Variants in TMEM266 observed in about 807,000 individuals in gnomAD.
TMEM266 encodes Hv1 related protein 1.
A neutral mutation model predicts 50.5 loss-of-function variants in TMEM266; 33 were observed. That is an observed-to-expected ratio of 0.65 (90% CI 0.50 to 0.87). TMEM266 has a LOEUF of 0.87. Ranked by LOEUF, TMEM266 falls within the 40% of genes least tolerant of loss-of-function variation. The pLI is 0.00. For missense variants in TMEM266, 655 were observed against 695.1 expected (o/e 0.94, Z 0.65); for synonymous variants, 310 against 292.3 (o/e 1.06, Z -0.62).
In TMEM266 at chr15:76,160,272, C is replaced by T. The variant is rs2037997915; in HGVS notation, c.456+104C>T. The T allele has an allele frequency of 8.5e-7, 1 of 1,180,436 alleles. No individual in the cohort carries two copies. The allele number at this position is 1,180,436 out of a possible 1,614,324, so 73.1% of individuals were successfully genotyped here. A position where few individuals can be genotyped will look rare whatever the true frequency, so the allele number is the denominator to read the frequency against. On this transcript the variant is annotated intron_variant, in intron 5 of 10. Coordinates refer to ENST00000388942, the MANE Select transcript of TMEM266 (RefSeq NM_152335.3). This position sits in a 1 kb window ranked among gnomAD's most constrained non-coding sequence, Gnocchi z 5.7. ...ATGGTTTCTAGCATCAGGTCCCCTG[C>T]TAGCCCTTGAGGCTGCTGGGAGGGA... is the stretch of plus-strand genomic sequence containing the variant.
chr15:76,090,491 C>CAAAAA (rs34778511), intron 1 of TMEM266, among the ~76,000 whole-genome samples: 1 of 74,364 alleles, frequency 1.3e-5, no homozygotes, highest in Non-Finnish European at 2.7e-5. Context: ...GACTCTGTCT[C>CAAAAA]AAAAAAAAAA....
chr15:76,192,845 C>G (rs2038601678), intron 9 of TMEM266, among the ~76,000 whole-genome samples: 1 of 152,230 alleles, frequency 6.6e-6, no homozygotes, highest in African/African-American at 2.4e-5. Flanking sequence ...GAGGCTTCCT[C>G]ACAGGGCTGC....
At chr15:76,169,727 A>G (rs2142059276) in intron 5 of TMEM266, 89 bp from the exon 6 acceptor site, 4 of 1,430,898 alleles carry the variant, frequency 2.8e-6, no homozygotes, top group Non-Finnish European at 3.9e-6. Context: ...TACTGAATGC[A>G]GAAGCAGAGC....
intron 1 of TMEM266, among the ~76,000 whole-genome samples, chr15:76,092,890 C>T (rs1462771603): frequency 1.3e-5 from 2 of 148,714 alleles, no homozygotes; most frequent in African/African-American, 5.0e-5. Context: ...TCACTGCAAC[C>T]TCTGCCTCCC....
At chr15:76,095,665 A>T (rs907752713) in intron 1 of TMEM266, among the ~76,000 whole-genome samples, 13 of 151,870 alleles carry the variant, frequency 8.6e-5, no homozygotes, top group African/African-American at 3.1e-4. Flanking sequence ...TTTTCTATTG[A>T]TCGGAATAGT....
chr15:76,100,630 CTG>C (rs1486324617), intron 1 of TMEM266, among the ~76,000 whole-genome samples: 1 of 152,238 alleles, frequency 6.6e-6, no homozygotes, highest in Non-Finnish European at 1.5e-5. Context: ...TAATGCCAGA[CTG>C]TATCCATTTC....
At chr15:76,080,947 CA>C (rs34957026) in intron 1 of TMEM266, among the ~76,000 whole-genome samples, 114,082 of 150,810 alleles carry the variant, frequency 0.76, 43,992 homozygotes, top group South Asian at 0.84. Flanking sequence ...GATGAGGTCT[CA>C]TTATGTTGCC....
chr15:76,135,639 A>G (rs1261936716), intron 2 of TMEM266, among the ~76,000 whole-genome samples: 1 of 152,164 alleles, frequency 6.6e-6, no homozygotes, highest in Non-Finnish European at 1.5e-5. Context: ...TTTTATATCA[A>G]TTGTTGAGAA....
chr15:76,176,483 A>T (rs1477784265), intron 8 of TMEM266: 1 of 152,562 alleles, frequency 6.6e-6, no homozygotes, highest in Admixed American at 6.5e-5. Context: ...GTAAGGTGGG[A>T]ATGCTACTGA....
intron 1 of TMEM266, among the ~76,000 whole-genome samples, chr15:76,098,804 G>A (rs940210439): frequency 1.3e-5 from 2 of 150,332 alleles, no homozygotes; most frequent in African/African-American, 4.8e-5. Flanking sequence ...TGGTAGTCTG[G>A]CCACAGCAGC....
At chr15:76,156,893 G>A in intron 4 of TMEM266, 135 bp downstream of exon 4, 3 of 882,146 alleles carry the variant, frequency 3.4e-6, no homozygotes, top group Admixed American at 2.4e-5. Context: ...TCAGGCCCTG[G>A]GGCTCATGGG....
intron 4 of TMEM266, 121 bp downstream of exon 4, chr15:76,156,879 A>C: frequency 9.4e-7 from 1 of 1,060,038 alleles, no homozygotes; most frequent in South Asian, 1.5e-5. Flanking sequence ...GCTGCTGCCC[A>C]GCCTCAGGCC....
intron 1 of TMEM266, among the ~76,000 whole-genome samples, chr15:76,088,665 C>T (rs1035915003): frequency 1.3e-5 from 2 of 151,970 alleles, no homozygotes; most frequent in Non-Finnish European, 2.9e-5. Context: ...GGCGTGGTGG[C>T]AGGCGCCTGT....
At chr15:76,181,471 T>G (rs1400991140) in intron 8 of TMEM266, 1 of 152,236 alleles carries the variant, frequency 6.6e-6, no homozygotes, top group Non-Finnish European at 1.5e-5. Context: ...CCTTCCAGAC[T>G]CCCCGCTGCT....
intron 3 of TMEM266, among the ~76,000 whole-genome samples, chr15:76,138,816 A>G (rs1211866150): frequency 1.3e-5 from 2 of 152,192 alleles, no homozygotes; most frequent in Non-Finnish European, 2.9e-5. Context: ...TTCACTTCTC[A>G]TTAGCGTGGT....
At position 76,114,665 on chromosome 15, in the gene TMEM266, T is replaced by C. The variant is rs186626821; in HGVS notation, c.-96-19503T>C. Among the ~76,000 whole-genome samples, 100 of 152,342 alleles carry C rather than the reference T, an allele frequency of 6.6e-4. 1 individual carries two copies. Among genetic ancestry groups the C allele is most frequent in the South Asian group, 3.3e-3 (16 of 4,822 alleles). On this transcript the variant is annotated intron_variant, in intron 1 of 10. Coordinates refer to ENST00000388942, the MANE Select transcript of TMEM266 (RefSeq NM_152335.3). Reference sequence around the variant, plus strand: ...ATCTTTCCTTGCCAATATATCTAGATTTTTTATAGTTTTTTGTCTTCTGTT... The same window carrying C: ...ATCTTTCCTTGCCAATATATCTAGACTTTTTATAGTTTTTTGTCTTCTGTT...
chr15:76,104,406 C>G (rs2037049928), intron 1 of TMEM266, among the ~76,000 whole-genome samples: 1 of 152,214 alleles, frequency 6.6e-6, no homozygotes, highest in African/African-American at 2.4e-5. Context: ...AGGGGCTACC[C>G]TATTGGACTG....
intron 1 of TMEM266, among the ~76,000 whole-genome samples, chr15:76,101,402 G>T (rs2142003929): frequency 6.6e-6 from 1 of 152,334 alleles, no homozygotes; most frequent in Non-Finnish European, 1.5e-5. Flanking sequence ...ACCGGGACTG[G>T]TCTGAAAGAT....
At chr15:76,142,942 T>G (rs1044987196) in intron 3 of TMEM266, among the ~76,000 whole-genome samples, 40 of 152,344 alleles carry the variant, frequency 2.6e-4, no homozygotes, top group Middle Eastern at 6.8e-3. Flanking sequence ...CTGGCAGTCC[T>G]CTGCAGTCCT....
Sources: allele counts gnomAD v4.1 joint callset (sites outside exome capture counted in the v4.1 genomes callset), GRCh38; gene constraint gnomAD v4.1.1; non-coding constraint Gnocchi (gnomAD v3.1); transcripts MANE v1.5; gene names NCBI Gene and HGNC (gene_info 2026-07-23, HGNC 2026-07-21).